Variants in CYP4F8 observed in about 807,000 individuals in gnomAD.
CYP4F8 encodes the protein cytochrome P450 4F8.
In CYP4F8, 56 loss-of-function variants were observed where a neutral mutation model predicts 55.0. The observed-to-expected ratio is 1.02, with a 90% CI of 0.82 to 1.27. The LOEUF (loss-of-function observed/expected upper bound fraction) is 1.27, where lower values mean the gene tolerates loss of function less well. CYP4F8 is among the 50% of genes most tolerant of loss of function. The pLI is 0.00. For synonymous variants in CYP4F8, 288 were observed against 267.3 expected (o/e 1.08, Z -0.76); for missense variants, 680 against 682.4 (o/e 1.00, Z 0.04).
In CYP4F8 at chr19:15,629,561, C is replaced by T. The variant is rs2144614347; in HGVS notation, c.*203C>T. On this transcript the variant is annotated 3_prime_UTR_variant, in exon 13 of 13. Transcript: ENST00000612078. ...TCTCTGTGCCCAAGATACTCACTGC[C>T]TCTCTGGGTGAGCACAGGAGCCCCG... is the stretch of plus-strand genomic sequence containing the variant. 1.5e-6 allele frequency: 1 copy of T among 670,950 alleles called. No individual in the cohort carries two copies. Among genetic ancestry groups the T allele is most frequent in the Non-Finnish European group, 2.3e-6 (1 of 430,570 alleles). The allele number at this position is 670,950 out of a possible 1,614,324, so 41.6% of individuals were successfully genotyped here.
intron 3 of CYP4F8, 134 bp downstream of exon 3, chr19:15,618,278 C>G (rs1256155541): frequency 4.4e-6 from 6 of 1,366,044 alleles, no homozygotes; most frequent in Admixed American, 1.7e-5. Flanking sequence ...CCACCTTCCT[C>G]TTTCCTTCCT....
intron 5 of CYP4F8, 141 bp from the exon 6 acceptor site, chr19:15,622,078 G>C: frequency 8.7e-7 from 1 of 1,143,932 alleles, no homozygotes; most frequent in Non-Finnish European, 1.2e-6. Context: ...TCTCACCCAA[G>C]CGTAGTCCTC....
intron 9 of CYP4F8, among the ~76,000 whole-genome samples, chr19:15,626,605 A>ATATCTATCTATCTATCTATC (rs57706048): frequency 6.8e-5 from 10 of 146,836 alleles, no homozygotes; most frequent in Middle Eastern, 3.2e-3. Context: ...ATTGTTCTGG[A>ATATCTATCTATCTATCTATC]TATCTATCTA....
rs541150618 is a variant in CYP4F8, at chr19:15,628,126, G to A, written c.1116-176G>A. The stretch of plus-strand genomic sequence containing the variant: ...CTCAGAAATACCTCTAAAAACACCA[G>A]GTCAACTTTTCTTCTAGTAGTTTTG... On this transcript the variant is annotated intron_variant, in intron 9 of 12. Coordinates refer to ENST00000612078, the MANE Select transcript of CYP4F8 (RefSeq NM_007253.4). 8.8e-5 allele frequency: 79 copies of A among 900,472 alleles called. No individual in the cohort carries two copies. In the South Asian group the frequency reaches 1.3e-3, roughly 15 times the overall value. 55.8% of individuals were successfully genotyped at this position (900,472 alleles called of 1,614,324 possible). A position where few individuals can be genotyped will look rare whatever the true frequency, so the allele number is the denominator to read the frequency against.
In CYP4F8 at chr19:15,629,682, C is replaced by T. The variant is rs1347889708; in HGVS notation, c.*324C>T. The T allele has an allele frequency of 7.6e-6, 2 of 261,974 alleles. No individual in the cohort carries two copies. Among genetic ancestry groups the T allele is most frequent in the East Asian group, 1.6e-4 (2 of 12,704 alleles). The allele number at this position is 261,974 out of a possible 1,614,324, so 16.2% of individuals were successfully genotyped here. A position where few individuals can be genotyped will look rare whatever the true frequency, so the allele number is the denominator to read the frequency against. ...ATAAATTTTTGCCAATTTAGAATCC[C>T]TGTTTTTTAGCTAGGTGCATAGCAG... On this transcript the variant is annotated 3_prime_UTR_variant, in exon 13 of 13. Coordinates refer to ENST00000612078, the MANE Select transcript of CYP4F8 (RefSeq NM_007253.4).
chr19:15,617,556 T>C (rs1248716652), intron 2 of CYP4F8, among the ~76,000 whole-genome samples: 1 of 151,984 alleles, frequency 6.6e-6, no homozygotes, highest in Non-Finnish European at 1.5e-5. Context: ...CTGTCTATGA[T>C]CTATCTAATC....
At chr19:15,618,256 C>A in intron 3 of CYP4F8, 112 bp downstream of exon 3, 1 of 1,508,110 alleles carries the variant, frequency 6.6e-7, no homozygotes, top group Non-Finnish European at 9.2e-7. Context: ...TTCCTTCCTG[C>A]TTCTCTCTCA....
chr19:15,623,003 C>A, intron 6 of CYP4F8, 102 bp from the exon 7 acceptor site: 3 of 1,368,120 alleles, frequency 2.2e-6, no homozygotes, highest in Non-Finnish European at 3.0e-6. Flanking sequence ...TGCAGGACAC[C>A]CCTTTCTGCA....
intron 9 of CYP4F8, among the ~76,000 whole-genome samples, chr19:15,625,809 G>A (rs1203235146): frequency 6.6e-6 from 1 of 152,028 alleles, no homozygotes; most frequent in Admixed American, 6.6e-5. Flanking sequence ...TATACAATAC[G>A]TATTTCTTCC....
chr19:15,619,409 T>C, intron 3 of CYP4F8, 81 bp from the exon 4 acceptor site: 1 of 1,547,950 alleles, frequency 6.5e-7, no homozygotes, highest in Non-Finnish European at 8.8e-7. Flanking sequence ...CGTCCAAACC[T>C]CTGGCTGGGA....
intron 2 of CYP4F8, among the ~76,000 whole-genome samples, chr19:15,616,918 G>A (rs1972129499): frequency 6.9e-6 from 1 of 144,710 alleles, no homozygotes; most frequent in African/African-American, 2.5e-5. Flanking sequence ...GGACGGACTA[G>A]CTCTGAGCTT....
At chr19:15,615,532 A>C in intron 1 of CYP4F8, 84 bp from the exon 2 acceptor site, 1 of 1,453,664 alleles carries the variant, frequency 6.9e-7, no homozygotes, top group Non-Finnish European at 9.2e-7. Flanking sequence ...GCTCTTAACC[A>C]TGTTTACCCA....
chr19:15,618,270 A>G (rs761671390), intron 3 of CYP4F8, 126 bp downstream of exon 3: 1 of 1,431,234 alleles, frequency 7.0e-7, no homozygotes, highest in East Asian at 2.3e-5. Flanking sequence ...TCTCTCAGCC[A>G]CCTTCCTCTT....
At position 15,629,471 on chromosome 19, in the gene CYP4F8, G is replaced by A; in HGVS notation, c.*113G>A. 1 of 1,376,728 alleles carries A rather than the reference G, an allele frequency of 7.3e-7. No homozygotes were observed. Among genetic ancestry groups the A allele is most frequent in the Non-Finnish European group, 9.6e-7 (1 of 1,046,562 alleles). 85.3% of individuals were successfully genotyped at this position (1,376,728 alleles called of 1,614,324 possible). Reference sequence around the variant, plus strand: ...GCCCCTGTGCCTCAGTCCCGCGGATGGCCAGTAGGGGGCGCTGGAGGACTG... The same window carrying A: ...GCCCCTGTGCCTCAGTCCCGCGGATAGCCAGTAGGGGGCGCTGGAGGACTG... On this transcript the variant is annotated 3_prime_UTR_variant, in exon 13 of 13. Coordinates refer to ENST00000612078, the MANE Select transcript of CYP4F8 (RefSeq NM_007253.4).
At position 15,629,604 on chromosome 19, in the gene CYP4F8, C is replaced by T. The variant is rs1462668317; in HGVS notation, c.*246C>T. 2 of 459,960 alleles carry T rather than the reference C, an allele frequency of 4.3e-6. No homozygotes were observed. Among genetic ancestry groups the T allele is most frequent in the Non-Finnish European group, 7.5e-6 (2 of 267,120 alleles). 28.5% of individuals were successfully genotyped at this position (459,960 alleles called of 1,614,324 possible). On this transcript the variant is annotated 3_prime_UTR_variant, in exon 13 of 13. Coordinates refer to ENST00000612078, the MANE Select transcript of CYP4F8 (RefSeq NM_007253.4). ...GAGCCCCGTGCTGAGGGTGGGATCTCCCAGAGTCTAAGTAAAGACTTTTTC... is the reference window on the plus strand; with the variant it reads ...GAGCCCCGTGCTGAGGGTGGGATCTTCCAGAGTCTAAGTAAAGACTTTTTC...
Position 15,619,620 on chromosome 19 carries a change from TG to T in CYP4F8, c.398-13del, listed in dbSNP as rs1448056846. The T allele has an allele frequency of 6.2e-7, 1 of 1,614,200 alleles. No individual in the cohort carries two copies. Among genetic ancestry groups the T allele is most frequent in the East Asian group, 2.2e-5 (1 of 44,880 alleles). On this transcript the variant is annotated splice_polypyrimidine_tract_variant and intron_variant, in intron 4 of 12. Coordinates refer to ENST00000612078, the MANE Select transcript of CYP4F8 (RefSeq NM_007253.4). ...AGATTCTGCCCTTGCCCACAGCCTT[TG>T]GCTGCCGTACTAGGGGATGGGCTCT... is the stretch of plus-strand genomic sequence containing the variant.
At position 15,615,748 on chromosome 19, in the gene CYP4F8, C is replaced by T. The variant is rs374541789; in HGVS notation, c.132C>T (p.Asn44=). The change falls in exon 2 of 13, where the codon AAC becomes AAT. Residue 44 remains asparagine, a synonymous_variant. Coordinates refer to ENST00000612078, the MANE Select transcript of CYP4F8 (RefSeq NM_007253.4). ...ILAWTYAFYH[N]GRRLRCFPQP... is the part of the protein sequence containing the mutation. Reference sequence around the variant, plus strand: ...CCTGGACCTATGCCTTCTATCACAACGGCCGCCGCCTCCGGTGTTTCCCGC... The same window carrying T: ...CCTGGACCTATGCCTTCTATCACAATGGCCGCCGCCTCCGGTGTTTCCCGC... 133 of 1,613,978 alleles carry T rather than the reference C, an allele frequency of 8.2e-5. No individual in the cohort carries two copies. The highest frequency in any genetic ancestry group is 6.6e-4 in the Middle Eastern group (4 of 6,060).
chr19:15,615,702 G>C lies in CYP4F8; in HGVS notation c.86G>C (p.Trp29Ser), dbSNP rs1206087652. 1 of 1,613,756 alleles carries C rather than the reference G, an allele frequency of 6.2e-7. No individual in the cohort carries two copies. Among genetic ancestry groups the C allele is most frequent in the South Asian group, 1.1e-5 (1 of 91,058 alleles). The change falls in exon 2 of 13, where the codon TGG becomes TCG. Residue 29 changes from tryptophan to serine, a missense_variant. Physicochemically the swap from Trp to Ser is radical, Grantham distance 177 (BLOSUM62 -3). Coordinates refer to ENST00000612078, the MANE Select transcript of CYP4F8 (RefSeq NM_007253.4). ...WLLLLVVGAS[W>S]LLARILAWTY... ...CTCCTGCTGGTGGTCGGGGCCTCCTGGCTCCTGGCCCGCATCCTGGCCTGG... is the reference window on the plus strand; with the variant it reads ...CTCCTGCTGGTGGTCGGGGCCTCCTCGCTCCTGGCCCGCATCCTGGCCTGG...
chr19:15,616,648 G>C (rs762326185), intron 2 of CYP4F8, among the ~76,000 whole-genome samples: 12 of 152,174 alleles, frequency 7.9e-5, no homozygotes, highest in Non-Finnish European at 4.4e-5. Context: ...AGCTGGGCCA[G>C]AAGAGAGATG....
Sources: allele counts gnomAD v4.1 joint callset (sites outside exome capture counted in the v4.1 genomes callset), GRCh38; gene constraint gnomAD v4.1.1; transcripts MANE v1.5; gene names NCBI Gene and HGNC (gene_info 2026-07-23, HGNC 2026-07-21).